The following SLC9B1 variants were observed in gnomAD, a reference collection of about 807,000 sequenced individuals.
SLC9B1 encodes the protein sodium/hydrogen exchanger 9B1.
SLC9B1 carries 32 observed loss-of-function variants against 51.7 expected under a neutral mutation model. The observed-to-expected ratio is 0.62, with a 90% CI of 0.47 to 0.83. The LOEUF is 0.83. Ranked by LOEUF, SLC9B1 falls within the 40% of genes least tolerant of loss-of-function variation. SLC9B1 has a pLI of 0.00. For synonymous variants in SLC9B1, 145 were observed against 212.7 expected (o/e 0.68, Z 2.77); for missense variants, 406 against 613.2 (o/e 0.66, Z 3.57).
At chr4:102,951,330 G>A (rs1318979855) in intron 3 of SLC9B1, among the ~76,000 whole-genome samples, 1 of 152,044 alleles carries the variant, frequency 6.6e-6, no homozygotes. Flanking sequence ...AAGTCTCAAA[G>A]GTAAAGCCAA....
intron 1 of SLC9B1, among the ~76,000 whole-genome samples, chr4:103,012,866 C>T (rs1172595600): frequency 6.6e-6 from 1 of 152,152 alleles, no homozygotes; most frequent in Non-Finnish European, 1.5e-5. Context: ...TCCTAGCTAG[C>T]TGTCCCCAGG....
intron 1 of SLC9B1, among the ~76,000 whole-genome samples, chr4:103,003,551 C>A (rs535977792): frequency 6.6e-6 from 1 of 152,286 alleles, no homozygotes. Context: ...TCTAGGGATG[C>A]TGCTGCCCTA....
At chr4:102,923,168 A>G (rs1232224249) in intron 7 of SLC9B1, among the ~76,000 whole-genome samples, 1 of 152,204 alleles carries the variant, frequency 6.6e-6, no homozygotes, top group African/African-American at 2.4e-5. Flanking sequence ...CCTCAATAAG[A>G]TACTGACAAA....
At chr4:102,913,088 C>G (rs1735413790) in intron 7 of SLC9B1, among the ~76,000 whole-genome samples, 2 of 152,190 alleles carry the variant, frequency 1.3e-5, no homozygotes, top group African/African-American at 4.8e-5. Context: ...TTGCATTATA[C>G]TCATGATACC....
chr4:102,979,559 A>C (rs1739245632), intron 3 of SLC9B1, among the ~76,000 whole-genome samples: 1 of 152,160 alleles, frequency 6.6e-6, no homozygotes, highest in African/African-American at 2.4e-5. Context: ...GACACGATCT[A>C]TGGAGAAGCC....
intron 11 of SLC9B1, among the ~76,000 whole-genome samples, chr4:102,894,336 A>G (rs1734431726): frequency 6.6e-6 from 1 of 152,194 alleles, no homozygotes; most frequent in Non-Finnish European, 1.5e-5. Context: ...ATTAAAGATT[A>G]TCTTGGAGGA....
intron 2 of SLC9B1, 21 bp from the exon 3 acceptor site, chr4:102,989,962 C>A (rs746184135): frequency 4.5e-6 from 7 of 1,549,174 alleles, no homozygotes; most frequent in Non-Finnish European, 6.1e-6. Context: ...ACAAGAAAAT[C>A]TTTAAGGAAC....
chr4:102,923,154 A>C (rs1735971314), intron 7 of SLC9B1, among the ~76,000 whole-genome samples: 1 of 152,204 alleles, frequency 6.6e-6, no homozygotes, highest in South Asian at 2.1e-4. Flanking sequence ...ATTGATACAA[A>C]AATCCTCAAT....
chr4:102,955,906 A>AAAGG (rs1737788654), intron 3 of SLC9B1, among the ~76,000 whole-genome samples: 3 of 151,114 alleles, frequency 2.0e-5, no homozygotes, highest in Non-Finnish European at 3.0e-5. Flanking sequence ...AGAAAGAGAG[A>AAAGG]GAAAGACCCA....
Position 102,946,512 on chromosome 4 carries a change from G to A in SLC9B1, c.525+135C>T, listed in dbSNP as rs1578370009. ...ATTACAGGCATGAGCCGCCATGCCC[G>A]GCCTTTTTTTCTTTATCTTAGGTTT... On this transcript the variant is annotated intron_variant, in intron 5 of 11. Transcript: ENST00000296422. 4 of 945,916 alleles carry A rather than the reference G, an allele frequency of 4.2e-6. No homozygotes were observed. The East Asian group carries it at 8.6e-5, about 20-fold the overall frequency. 58.6% of individuals were successfully genotyped at this position (945,916 alleles called of 1,614,324 possible).
chr4:102,990,425 T>G (rs1049291723), intron 2 of SLC9B1, among the ~76,000 whole-genome samples: 13 of 152,016 alleles, frequency 8.6e-5, no homozygotes. Context: ...CACTAATATT[T>G]ATAGATAACA....
rs750641334 is a variant in SLC9B1, at chr4:102,932,161, AG to A, written c.791del (p.Thr264MetfsTer7). The A allele has an allele frequency of 1.1e-5, 17 of 1,611,874 alleles. No individual in the cohort carries two copies. In the Admixed American group the frequency reaches 2.7e-4, roughly 25 times the overall value. On this transcript the variant is annotated frameshift_variant, in exon 7 of 12. Coordinates refer to ENST00000296422, the MANE Select transcript of SLC9B1 (RefSeq NM_139173.4). ...CTATGCTCAAGCATGTATTGAATCC[AG>A]TGATAGCCAGAATGTCATCCATACT... ...ASSMDDILAI[T>X]GFNTCLSIVF...
intron 6 of SLC9B1, among the ~76,000 whole-genome samples, chr4:102,937,599 T>C (rs1736787786): frequency 6.7e-6 from 1 of 149,726 alleles, no homozygotes; most frequent in Non-Finnish European, 1.5e-5. Context: ...GTGATGCGTG[T>C]CTGTAGTCCC....
intron 11 of SLC9B1, 59 bp from the exon 12 acceptor site, chr4:102,901,391 A>G: frequency 6.3e-7 from 1 of 1,585,744 alleles, no homozygotes; most frequent in Non-Finnish European, 8.6e-7. Context: ...TTGATATATA[A>G]TGTAAATGGC....
chr4:102,925,330 C>T (rs1208171951), intron 7 of SLC9B1, among the ~76,000 whole-genome samples: 1 of 152,126 alleles, frequency 6.6e-6, no homozygotes, highest in East Asian at 1.9e-4. Flanking sequence ...CGCATGTTCT[C>T]ACTCATAGGT....
chr4:102,964,843 G>A (rs554141044), intron 3 of SLC9B1, among the ~76,000 whole-genome samples: 1 of 152,192 alleles, frequency 6.6e-6, no homozygotes, highest in Non-Finnish European at 1.5e-5. Context: ...ATACTTAATG[G>A]TAAAAATGTG....
At chr4:102,973,595 C>G (rs1408937687) in intron 3 of SLC9B1, among the ~76,000 whole-genome samples, 2 of 152,016 alleles carry the variant, frequency 1.3e-5, no homozygotes, top group African/African-American at 2.4e-5. Context: ...TACTTTGAAG[C>G]CTGATAAAGT....
At chr4:102,916,420 A>T (rs1735579238) in intron 7 of SLC9B1, among the ~76,000 whole-genome samples, 1 of 152,244 alleles carries the variant, frequency 6.6e-6, no homozygotes, top group African/African-American at 2.4e-5. Context: ...ACAGTACAGC[A>T]TCTAAATATA....
chr4:103,000,151 A>G (rs1411976456), intron 1 of SLC9B1, among the ~76,000 whole-genome samples: 2 of 152,194 alleles, frequency 1.3e-5, no homozygotes, highest in African/African-American at 4.8e-5. Context: ...CTCTTCCTCT[A>G]CACATGGAGA....
Sources: allele counts gnomAD v4.1 joint callset (sites outside exome capture counted in the v4.1 genomes callset), GRCh38; gene constraint gnomAD v4.1.1; transcripts MANE v1.5; gene names NCBI Gene and HGNC (gene_info 2026-07-23, HGNC 2026-07-21).